The following VIT variants were observed in gnomAD, a reference collection of about 807,000 sequenced individuals.
VIT encodes vitrin.
Under a neutral mutation model 78.0 loss-of-function variants are expected in VIT, and 99 were observed. That is an observed-to-expected ratio of 1.27 (90% CI 1.08 to 1.50). The LOEUF (loss-of-function observed/expected upper bound fraction) is 1.50. VIT is among the 40% of genes most tolerant of loss of function. The pLI is 0.00. For synonymous variants in VIT, 374 were observed against 334.3 expected, an observed-to-expected ratio of 1.12 and a Z score of -1.29; for missense variants, 1,126 against 875.3, an observed-to-expected ratio of 1.29 and a Z score of -3.61.
chr2:36,797,862 C>T (rs973181008), intron 12 of VIT, among the ~76,000 whole-genome samples: 2 of 152,082 alleles, frequency 1.3e-5, no homozygotes, highest in East Asian at 1.9e-4. Context: ...TGCCTGTAGG[C>T]GCCACATATT....
At chr2:36,775,991 A>G (rs1402662145) in intron 9 of VIT, among the ~76,000 whole-genome samples, 1 of 152,232 alleles carries the variant, frequency 6.6e-6, no homozygotes, top group African/African-American at 2.4e-5. Context: ...TTCCTCAGCT[A>G]TAAAATCGTC....
chr2:36,777,544 C>T (rs1352503389), intron 9 of VIT, among the ~76,000 whole-genome samples: 1 of 152,134 alleles, frequency 6.6e-6, no homozygotes, highest in African/African-American at 2.4e-5. Context: ...TCTGCTCCCA[C>T]TAAAACACCC....
In VIT at chr2:36,787,206, C is replaced by T. The variant is rs1163837098; in HGVS notation, c.988C>T (p.Leu330Phe). The change falls in exon 12 of 16, where the codon CTC becomes TTC. Residue 330 changes from leucine (L) to phenylalanine (F), a missense_variant. Leu to Phe is a conservative substitution (Grantham distance 22, BLOSUM62 0). Transcript: ENST00000379242. Reference protein sequence around the residue: ...GKRRFRIQKQLLADVAQALDI... With the variant: ...GKRRFRIQKQFLADVAQALDI... ...ACGGCGATTCCGAATCCAGAAGCAG[C>T]TCCTGGCTGATGTTGCCCAAGCTCT... 6.2e-7 allele frequency: 1 copy of T among 1,614,230 alleles called. No individual in the cohort carries two copies. The highest frequency in any genetic ancestry group is 2.2e-5 in the East Asian group (1 of 44,882).
At position 36,814,571 on chromosome 2, in the gene VIT, A is replaced by G. The variant is rs1667431104; in HGVS notation, c.*210A>G. 1.7e-6 allele frequency: 1 copy of G among 578,902 alleles called. No homozygotes were observed. The highest frequency in any genetic ancestry group is 2.9e-6 in the Non-Finnish European group (1 of 345,322). 35.9% of individuals were successfully genotyped at this position (578,902 alleles called of 1,614,324 possible). On this transcript the variant is annotated 3_prime_UTR_variant, in exon 16 of 16. Transcript: ENST00000379242. ...TCACAAACGTATAGAATGAGCCAAA[A>G]GGCTACATCATGTTGAGGGTGCTGG...
At chr2:36,772,536 A>AAAAAC in intron 7 of VIT, among the ~76,000 whole-genome samples, 1 of 152,220 alleles carries the variant, frequency 6.6e-6, no homozygotes, top group Admixed American at 6.5e-5. Flanking sequence ...ACTCCATCTC[A>AAAAAC]AAAACAAAAC....
intron 10 of VIT, 93 bp downstream of exon 10, chr2:36,781,864 C>T (rs1426853129): frequency 1.4e-6 from 2 of 1,476,424 alleles, no homozygotes; most frequent in Non-Finnish European, 1.9e-6. Flanking sequence ...GCATAGCGGC[C>T]GAGCTCCACT....
intron 11 of VIT, 118 bp downstream of exon 11, chr2:36,783,520 C>G: frequency 1.0e-6 from 1 of 965,146 alleles, no homozygotes; most frequent in Non-Finnish European, 1.6e-6. Context: ...CTATTTATCT[C>G]CTCTCTTCTG....
chr2:36,782,352 G>A (rs1333985936), intron 10 of VIT, among the ~76,000 whole-genome samples: 1 of 152,216 alleles, frequency 6.6e-6, no homozygotes, highest in Non-Finnish European at 1.5e-5. Context: ...AATGCTGTTA[G>A]CCACCCAAAG....
chr2:36,776,828 C>A (rs1195739841), intron 9 of VIT, among the ~76,000 whole-genome samples: 1 of 151,172 alleles, frequency 6.6e-6, no homozygotes, highest in Admixed American at 6.6e-5. Flanking sequence ...CGGTGGCTCA[C>A]ACCTGTATCC....
intron 15 of VIT, among the ~76,000 whole-genome samples, chr2:36,809,232 G>A (rs1376135272): frequency 6.6e-6 from 1 of 152,188 alleles, no homozygotes; most frequent in Non-Finnish European, 1.5e-5. Flanking sequence ...GCCTGTGGAT[G>A]ACTGGGCGCA....
At chr2:36,784,608 C>T (rs1664971205) in intron 11 of VIT, among the ~76,000 whole-genome samples, 1 of 152,210 alleles carries the variant, frequency 6.6e-6, no homozygotes, top group Admixed American at 6.5e-5. Flanking sequence ...TATTGGACAA[C>T]ACAAAGCATT....
intron 13 of VIT, among the ~76,000 whole-genome samples, chr2:36,803,775 T>A (rs1230921504): frequency 6.6e-6 from 1 of 152,218 alleles, no homozygotes; most frequent in Non-Finnish European, 1.5e-5. Context: ...ATAATACTAC[T>A]AATCCTAAAG....
chr2:36,747,005 A>G (rs888576238), intron 4 of VIT, among the ~76,000 whole-genome samples: 6 of 151,998 alleles, frequency 3.9e-5, no homozygotes, highest in African/African-American at 1.4e-4. Flanking sequence ...TTGTGTCTCT[A>G]TTTTCATTAA....
intron 8 of VIT, chr2:36,774,637 G>C: frequency 1.0e-6 from 1 of 985,390 alleles, no homozygotes; most frequent in Non-Finnish European, 1.2e-6. Flanking sequence ...GGGCTCCTCT[G>C]GTCAGGGCGA....
chr2:36,721,032 C>T (rs1666476139), intron 2 of VIT, among the ~76,000 whole-genome samples: 1 of 151,138 alleles, frequency 6.6e-6, no homozygotes, highest in South Asian at 2.1e-4. Context: ...AAGGTACAAA[C>T]TTTCAGTTAT....
chr2:36,806,732 T>C (rs1666757739), intron 14 of VIT, among the ~76,000 whole-genome samples: 1 of 152,046 alleles, frequency 6.6e-6, no homozygotes, highest in Non-Finnish European at 1.5e-5. Context: ...TTTTATTTTA[T>C]TTTTTTATTT....
intron 1 of VIT, among the ~76,000 whole-genome samples, chr2:36,714,187 A>G (rs1573128489): frequency 6.6e-6 from 1 of 152,346 alleles, no homozygotes; most frequent in Admixed American, 6.5e-5. Context: ...TTCATATACT[A>G]AACAACTTTA....
chr2:36,809,774 G>A (rs895977788), intron 15 of VIT, among the ~76,000 whole-genome samples: 3 of 152,134 alleles, frequency 2.0e-5, no homozygotes, highest in African/African-American at 7.2e-5. Context: ...TTTTCTGTAA[G>A]CAACTGTTAA....
At chr2:36,708,596 C>T (rs1282312340) in intron 1 of VIT, among the ~76,000 whole-genome samples, 2 of 152,104 alleles carry the variant, frequency 1.3e-5, no homozygotes, top group Admixed American at 6.5e-5. Flanking sequence ...CTGACATGGC[C>T]CTTCATCCCT....
Sources: gnomAD v4.1 joint callset for allele counts (sites outside exome capture counted in the v4.1 genomes callset) on GRCh38, gnomAD v4.1.1 for gene constraint, MANE v1.5 for transcripts, NCBI Gene and HGNC (gene_info 2026-07-23, HGNC 2026-07-21) for gene names.